CEP72: variants seen among roughly 807,000 people sequenced by gnomAD.
The protein encoded by CEP72 is centrosomal protein 72, also known as centrosomal protein of 72 kDa.
A neutral mutation model predicts 65.7 loss-of-function variants in CEP72; 78 were observed. The observed-to-expected ratio is 1.19, with a 90% confidence interval of 0.99 to 1.43. The LOEUF is 1.43. Ranked by LOEUF, CEP72 falls within the 40% of genes most tolerant of loss-of-function variation. The pLI, the probability that CEP72 is intolerant of heterozygous loss-of-function variation, is 0.00. For missense variants in CEP72, 914 were observed against 832.9 expected, an observed-to-expected ratio of 1.10 and a Z score of -1.20; for synonymous variants, 358 against 351.7, an observed-to-expected ratio of 1.02 and a Z score of -0.20.
intron 1 of CEP72, among the ~76,000 whole-genome samples, chr5:615,805 C>T (rs1193091437): frequency 6.6e-6 from 1 of 152,066 alleles, no homozygotes; most frequent in East Asian, 1.9e-4. Flanking sequence ...TTTGATTTAT[C>T]TGTTATGTTT....
intron 10 of CEP72, among the ~76,000 whole-genome samples, chr5:647,286 C>G (rs546811928): frequency 2.0e-4 from 31 of 152,256 alleles, no homozygotes; most frequent in Non-Finnish European, 4.3e-4. Context: ...AATAGTATCT[C>G]TCTTCTCCTC....
chr5:649,234 G>T (rs1249075645), intron 11 of CEP72, among the ~76,000 whole-genome samples: 41 of 98,898 alleles, frequency 4.1e-4, no homozygotes, highest in Non-Finnish European at 5.4e-4. Context: ...GTGACTGTGA[G>T]GTGTGACTGT....
At chr5:652,418 G>A (rs550317246) in intron 11 of CEP72, among the ~76,000 whole-genome samples, 7 of 152,306 alleles carry the variant, frequency 4.6e-5, no homozygotes, top group East Asian at 1.9e-4. Context: ...TACTTGTAAT[G>A]CCCTGAGTGT....
intron 10 of CEP72, among the ~76,000 whole-genome samples, chr5:646,072 G>A (rs925609066): frequency 4.6e-5 from 7 of 152,044 alleles, no homozygotes; most frequent in African/African-American, 7.3e-5. Context: ...CTGTGTGAGC[G>A]TCACTCTTGC....
At chr5:629,569 C>T (rs1561038791) in intron 4 of CEP72, among the ~76,000 whole-genome samples, 1 of 111,310 alleles carries the variant, frequency 9.0e-6, no homozygotes, top group African/African-American at 3.8e-5. Context: ...TGTCCAGTGC[C>T]GGGATTTGGC....
downstream of CEP72, chr5:660,688 A>G (rs1739555130): frequency 6.6e-6 from 1 of 152,172 alleles, no homozygotes; most frequent in East Asian, 1.9e-4. Context: ...TCCCCACTCC[A>G]CTTGTACAGC....
chr5:638,955 T>C (rs1737810334), intron 7 of CEP72, 134 bp from the exon 8 acceptor site: 1 of 1,160,342 alleles, frequency 8.6e-7, no homozygotes, highest in Middle Eastern at 2.7e-4. Context: ...TCCACCTGGC[T>C]CAGGGCTGGG....
chr5:627,739 A>C (rs1736847002), intron 4 of CEP72, among the ~76,000 whole-genome samples: 1 of 152,266 alleles, frequency 6.6e-6, no homozygotes, highest in Admixed American at 6.5e-5. Context: ...TATAGGAATA[A>C]AGGAAGCACT....
At chr5:649,133 G>A (rs1738705238) in intron 11 of CEP72, among the ~76,000 whole-genome samples, 1 of 143,124 alleles carries the variant, frequency 7.0e-6, no homozygotes, top group Admixed American at 6.9e-5. Context: ...TGTGAGGCGT[G>A]ACTGTGAGGC....
chr5:664,660 T>C (rs868464578), intron 2 of CEP72: 1 of 172,376 alleles, frequency 5.8e-6, no homozygotes, highest in Non-Finnish European at 1.2e-5. Flanking sequence ...ACGTCCGGTG[T>C]GGGGCCAATT....
At chr5:649,223 T>G (rs1407412724) in intron 11 of CEP72, among the ~76,000 whole-genome samples, 13 of 51,474 alleles carry the variant, frequency 2.5e-4, no homozygotes, top group African/African-American at 4.5e-4. Context: ...GACTGTGAGG[T>G]GTGACTGTGA....
At chr5:612,923 G>A (rs769741450) in intron 1 of CEP72, among the ~76,000 whole-genome samples, 1 of 152,222 alleles carries the variant, frequency 6.6e-6, no homozygotes, top group Non-Finnish European at 1.5e-5. Context: ...GCTGAGAAGT[G>A]TTGCCTTCTC....
In CEP72 at chr5:624,353, A is replaced by T; in HGVS notation, c.404-118A>T. 1 of 675,098 alleles carries T rather than the reference A, an allele frequency of 1.5e-6. No individual in the cohort carries two copies. Among genetic ancestry groups the T allele is most frequent in the Non-Finnish European group, 2.7e-6 (1 of 374,004 alleles). The allele number at this position is 675,098 out of a possible 1,614,324, so 41.8% of individuals were successfully genotyped here. A position where few individuals can be genotyped will look rare whatever the true frequency, so the allele number is the denominator to read the frequency against. On this transcript the variant is annotated intron_variant, in intron 3 of 11. Transcript: ENST00000264935. The surrounding 1 kb of genome is among the most constrained non-coding windows in gnomAD (Gnocchi z 4.7). ...GAGCCCAGCATTCCGGTGCTAGGTT[A>T]GTGGGAGCAGGGCTGGCCCCGAGGG...
chr5:672,142 A>G (rs1184372962), downstream of CEP72, among the ~76,000 whole-genome samples: 4 of 152,166 alleles, frequency 2.6e-5, no homozygotes, highest in African/African-American at 9.7e-5. Flanking sequence ...CAGTCCGAAG[A>G]CTTTAGGACA....
chr5:671,053 C>A (rs973874682), downstream of CEP72, among the ~76,000 whole-genome samples: 55 of 152,258 alleles, frequency 3.6e-4, no homozygotes, highest in African/African-American at 1.3e-3. Context: ...CCAGCTCTAA[C>A]CCCAGGCACA....
rs777894377 is a variant in CEP72, at chr5:653,055, G to A, written c.1846G>A (p.Glu616Lys). The part of the protein sequence containing the change: ...LSQVRAQHRA[E>K]VEQMHWSYQE... ...CCAGGTGCGGGCGCAGCACAGAGCC[G>A]AGGTGGAGCAGATGCACTGGAGCTA... The change falls in exon 12 of 12, where the codon GAG becomes AAG. Residue 616 changes from glutamate to lysine, a missense_variant. Transcript: ENST00000264935. 2.7e-5 allele frequency: 44 copies of A among 1,613,818 alleles called. 1 individual carries two copies. Among genetic ancestry groups the A allele is most frequent in the Admixed American group, 2.5e-4 (15 of 59,994 alleles).
At chr5:614,651 G>A (rs953514411) in intron 1 of CEP72, among the ~76,000 whole-genome samples, 3 of 151,948 alleles carry the variant, frequency 2.0e-5, no homozygotes, top group African/African-American at 4.8e-5. Flanking sequence ...ATGATCCACC[G>A]CGCCCGGCCT....
downstream of CEP72, among the ~76,000 whole-genome samples, chr5:668,434 C>T (rs1285993730): frequency 5.3e-4 from 67 of 126,352 alleles, 2 homozygotes; most frequent in African/African-American, 1.9e-3. Flanking sequence ...GCGTGGGCGC[C>T]GTCAGGGAAG....
At chr5:646,984 G>A (rs551994653) in intron 10 of CEP72, among the ~76,000 whole-genome samples, 3 of 152,318 alleles carry the variant, frequency 2.0e-5, no homozygotes, top group South Asian at 2.1e-4. Context: ...TGGCCAGCAC[G>A]GGGACTGGAA....
Sources: gnomAD v4.1 joint callset for allele counts (sites outside exome capture counted in the v4.1 genomes callset) on GRCh38, gnomAD v4.1.1 for gene constraint, Gnocchi (gnomAD v3.1) non-coding constraint, MANE v1.5 for transcripts, NCBI Gene and HGNC (gene_info 2026-07-23, HGNC 2026-07-21) for gene names.